The following PLAAT1 variants were observed in gnomAD, a reference collection of about 807,000 sequenced individuals.
The protein encoded by PLAAT1 is H-REV107 protein-related protein.
Under a neutral mutation model 16.4 loss-of-function variants are expected in PLAAT1, and 13 were observed. The observed-to-expected ratio is 0.79, with a 90% CI of 0.52 to 1.26. PLAAT1 has a LOEUF of 1.26. Among genes scored for constraint, PLAAT1 ranks in the 50% most tolerant of loss-of-function variants. PLAAT1 has a pLI of 0.00. For missense variants in PLAAT1, 218 were observed against 207.8 expected, an observed-to-expected ratio of 1.05 and a Z score of -0.30; for synonymous variants, 73 against 78.4, an observed-to-expected ratio of 0.93 and a Z score of 0.36.
intron 3 of PLAAT1, 66 bp from the exon 4 acceptor site, chr3:193,270,537 CT>C: frequency 6.8e-7 from 1 of 1,470,718 alleles, no homozygotes; most frequent in South Asian, 1.3e-5. Flanking sequence ...CAGGCTAAAG[CT>C]TCATTTAGGA....
chr3:193,270,555 T>C lies in PLAAT1; in HGVS notation c.406-49T>C, dbSNP rs201932013. 3.0e-4 allele frequency: 470 copies of C among 1,563,458 alleles called. 3 individuals are homozygous for C. The highest frequency in any genetic ancestry group is 7.0e-6 in the Non-Finnish European group (8 of 1,147,160). ...GCTAAAGCTTCATTTAGGACACAGA[T>C]GTCTTTAGAATATGATGTGTTTTTT... On this transcript the variant is annotated intron_variant, in intron 3 of 3. Transcript: ENST00000264735.
At chr3:193,260,088 A>G (rs1244430601) in intron 2 of PLAAT1, among the ~76,000 whole-genome samples, 1 of 152,172 alleles carries the variant, frequency 6.6e-6, no homozygotes. Flanking sequence ...CAAATTCAAC[A>G]AAAATAAGCA....
downstream of PLAAT1, chr3:193,279,511 GCA>G: frequency 7.1e-7 from 1 of 1,405,242 alleles, no homozygotes; most frequent in Admixed American, 1.7e-5. Flanking sequence ...ATATAATTTG[GCA>G]CACATTGCAG....
chr3:193,246,759 C>G (rs1357634770), intron 1 of PLAAT1, among the ~76,000 whole-genome samples: 1 of 152,166 alleles, frequency 6.6e-6, no homozygotes, highest in Non-Finnish European at 1.5e-5. Context: ...CTGTTGAATG[C>G]AGTTTGCTAG....
chr3:193,263,126 T>C lies in PLAAT1; in HGVS notation c.296T>C (p.Ile99Thr). Reference protein sequence around the residue: ...TYPPLPVEEIIKRSEFVIGQE... With the variant: ...TYPPLPVEEITKRSEFVIGQE... ...CCCCCTCTCCCTGTGGAAGAAATCA[T>C]AAAGCGGTCAGAGTTTGTAATTGGA... Residue 99 changes from isoleucine (I) to threonine (T), a missense_variant, in exon 3 of 4, where the codon ATA (isoleucine) becomes ACA (threonine). Ile to Thr is a moderately conservative substitution (Grantham distance 89). Coordinates refer to ENST00000264735, the MANE Select transcript of PLAAT1 (RefSeq NM_020386.5). 6.2e-7 allele frequency: 1 copy of C among 1,614,196 alleles called. No individual in the cohort carries two copies. The highest frequency in any genetic ancestry group is 8.5e-7 in the Non-Finnish European group (1 of 1,180,030).
intron 2 of PLAAT1, among the ~76,000 whole-genome samples, chr3:193,257,349 A>C (rs141464326): frequency 2.8e-4 from 43 of 152,314 alleles, no homozygotes; most frequent in African/African-American, 1.0e-3. Flanking sequence ...GGATAGATAT[A>C]AATAACAGCA....
chr3:193,279,044 T>C (rs1052176354), downstream of PLAAT1, among the ~76,000 whole-genome samples: 3 of 152,194 alleles, frequency 2.0e-5, no homozygotes, highest in African/African-American at 7.2e-5. Flanking sequence ...ATATGGTTTA[T>C]TTTTTTGAAA....
rs148053360 is a variant in PLAAT1, at chr3:193,249,362, C to T, written c.1-6289C>T. ...CCTTCCCTACACTTAGGAAGGTTTTCGCAATTGCAGTAGATTCTTGTTTAA... is the reference window on the plus strand; with the variant it reads ...CCTTCCCTACACTTAGGAAGGTTTTTGCAATTGCAGTAGATTCTTGTTTAA... On this transcript the variant is annotated intron_variant, in intron 1 of 3. Transcript: ENST00000264735. Among the ~76,000 whole-genome samples, 13 of 152,242 alleles carry T rather than the reference C, an allele frequency of 8.5e-5. No homozygotes were observed. In the South Asian group the frequency reaches 1.0e-3, roughly 12 times the overall value.
chr3:193,267,627 G>C (rs1170254206), intron 3 of PLAAT1, among the ~76,000 whole-genome samples: 1 of 152,092 alleles, frequency 6.6e-6, no homozygotes, highest in African/African-American at 2.4e-5. Flanking sequence ...GGACGTCTTG[G>C]TTGCTTCGAA....
chr3:193,252,401 T>C (rs1560100073), intron 1 of PLAAT1, among the ~76,000 whole-genome samples: 1 of 152,168 alleles, frequency 6.6e-6, no homozygotes. Flanking sequence ...TCTAATTGTA[T>C]TGTTTGCTTT....
chr3:193,251,501 G>A (rs557317955), intron 1 of PLAAT1, among the ~76,000 whole-genome samples: 15 of 152,320 alleles, frequency 9.8e-5, no homozygotes, highest in African/African-American at 3.1e-4. Context: ...AGCTTGCAAG[G>A]TGTGAAACCT....
chr3:193,273,700 T>C (rs1190852530), downstream of PLAAT1, among the ~76,000 whole-genome samples: 4 of 152,150 alleles, frequency 2.6e-5, no homozygotes, highest in Non-Finnish European at 4.4e-5. Flanking sequence ...TAGAAATAAA[T>C]TTTCTCTCAA....
rs1716960582 is a variant in PLAAT1 at position 193,270,732 on chromosome 3, GA to G, written c.*29del. ...AATTTACCAAAGAGATATTGATATT[GA>G]AGGAATTTGGGAGGAGGAAAAGAAA... On this transcript the variant is annotated 3_prime_UTR_variant, in exon 4 of 4. Transcript: ENST00000264735. 4 of 1,605,248 alleles carry G rather than the reference GA, an allele frequency of 2.5e-6. No homozygotes were observed. In the East Asian group the frequency reaches 8.9e-5, roughly 36 times the overall value.
downstream of PLAAT1, among the ~76,000 whole-genome samples, chr3:193,279,998 A>AAAAAG: frequency 6.7e-6 from 1 of 150,262 alleles, no homozygotes; most frequent in Non-Finnish European, 1.5e-5. Flanking sequence ...AAAAAAAAAA[A>AAAAAG]AAAAAGCCCT....
At chr3:193,251,669 G>T (rs1716195638) in intron 1 of PLAAT1, among the ~76,000 whole-genome samples, 1 of 152,206 alleles carries the variant, frequency 6.6e-6, no homozygotes, top group Admixed American at 6.5e-5. Flanking sequence ...CATGCTAGGA[G>T]TTGGGTTCCC....
downstream of PLAAT1, among the ~76,000 whole-genome samples, chr3:193,278,872 A>C (rs1191273232): frequency 6.6e-6 from 1 of 152,224 alleles, no homozygotes; most frequent in Admixed American, 6.5e-5. Context: ...TCCAAGAATT[A>C]GTTCAATAGC....
chr3:193,262,416 A>G (rs975567907), intron 2 of PLAAT1, among the ~76,000 whole-genome samples: 6 of 148,440 alleles, frequency 4.0e-5, no homozygotes, highest in South Asian at 4.2e-4. Context: ...CAGCCATCCT[A>G]TCACAGGACT....
At chr3:193,251,851 A>C (rs1716201940) in intron 1 of PLAAT1, among the ~76,000 whole-genome samples, 1 of 151,920 alleles carries the variant, frequency 6.6e-6, no homozygotes. Flanking sequence ...GTGTTTCCTT[A>C]GTGTGTTTGT....
chr3:193,275,117 G>T (rs770923090), downstream of PLAAT1: 26 of 1,614,038 alleles, frequency 1.6e-5, no homozygotes, highest in African/African-American at 2.7e-5. Context: ...TCTGTTCATG[G>T]CTTTCATAGC....
Sources: allele counts gnomAD v4.1 joint callset (sites outside exome capture counted in the v4.1 genomes callset), GRCh38; gene constraint gnomAD v4.1.1; transcripts MANE v1.5; gene names NCBI Gene and HGNC (gene_info 2026-07-23, HGNC 2026-07-21).